TSNARE1: variants seen among roughly 807,000 people sequenced by gnomAD.
TSNARE1 encodes the protein t-SNARE domain containing 1, also known as t-SNARE domain-containing protein 1.
In TSNARE1, 49 loss-of-function variants were observed where a neutral mutation model predicts 62.0. The observed-to-expected ratio is 0.79, with a 90% CI of 0.63 to 1.00. TSNARE1 has a LOEUF of 1.00. Among genes scored for constraint, TSNARE1 ranks in the 50% least tolerant of loss-of-function variants. The pLI is 0.00. For missense variants in TSNARE1, 755 were observed against 700.1 expected, an observed-to-expected ratio of 1.08 and a Z score of -0.88; for synonymous variants, 328 against 294.4, an observed-to-expected ratio of 1.11 and a Z score of -1.17.
At chr8:142,356,700 G>T (rs574269780) in intron 1 of TSNARE1, among the ~76,000 whole-genome samples, 1 of 152,130 alleles carries the variant, frequency 6.6e-6, no homozygotes, top group African/African-American at 2.4e-5. Flanking sequence ...TTTACTACAC[G>T]CGCAGATTCA....
At chr8:142,368,454 G>A (rs762282866) in intron 1 of TSNARE1, among the ~76,000 whole-genome samples, 3 of 144,694 alleles carry the variant, frequency 2.1e-5, no homozygotes, top group African/African-American at 7.8e-5. Flanking sequence ...CTAACAATAC[G>A]AAAAGGCCTG....
In TSNARE1 at chr8:142,316,669, C is replaced by T. The variant is rs1048352853; in HGVS notation, c.985-1577G>A. ...AGGCACCCCAAAACCAAGCCCTGCTCCCAACCCTGACAACTGCTCATCGAC... is the reference window on the plus strand; with the variant it reads ...AGGCACCCCAAAACCAAGCCCTGCTTCCAACCCTGACAACTGCTCATCGAC... On this transcript the variant is annotated intron_variant, in intron 7 of 13. Coordinates refer to ENST00000524325, the MANE Select transcript of TSNARE1 (RefSeq NM_145003.5). Among the ~76,000 whole-genome samples the T allele has an allele frequency of 3.3e-5, 5 of 151,778 alleles. 1 individual carries two copies. The highest frequency in any genetic ancestry group is 6.7e-5 in the Admixed American group (1 of 15,004).
intron 9 of TSNARE1, among the ~76,000 whole-genome samples, chr8:142,310,263 A>G (rs899767652): frequency 6.6e-6 from 1 of 152,146 alleles, no homozygotes; most frequent in Admixed American, 6.5e-5. Flanking sequence ...TCTGCCCTCG[A>G]TGTGTATGTT....
intron 12 of TSNARE1, among the ~76,000 whole-genome samples, chr8:142,239,702 T>C (rs1434289762): frequency 1.3e-5 from 2 of 152,218 alleles, no homozygotes; most frequent in Non-Finnish European, 1.5e-5. Context: ...GAGTGGGGCC[T>C]GTGATTAGCG....
rs192296747 is a variant in TSNARE1 at position 142,305,936 on chromosome 8, A to G, written c.1132-5292T>C. On this transcript the variant is annotated intron_variant, in intron 9 of 13. Coordinates refer to ENST00000524325, the MANE Select transcript of TSNARE1 (RefSeq NM_145003.5). ...CCGTGGGAAGAGACTCCGCTCTGCC[A>G]GGCATTCAGAAAGCAGGGACCCGAG... Among the ~76,000 whole-genome samples the G allele has an allele frequency of 1.2e-4, 18 of 152,338 alleles. No individual in the cohort carries two copies. The East Asian group carries it at 3.3e-3, about 28-fold the overall frequency.
chr8:142,386,979 A>C (rs1837156441), intron 1 of TSNARE1, among the ~76,000 whole-genome samples: 2 of 152,202 alleles, frequency 1.3e-5, no homozygotes, highest in East Asian at 3.8e-4. Flanking sequence ...ATACACATCA[A>C]ACTTCCGTAA....
intron 12 of TSNARE1, chr8:142,272,598 A>T: frequency 1.9e-6 from 1 of 525,022 alleles, no homozygotes; most frequent in Non-Finnish European, 2.2e-6. Context: ...CCTTCCATCC[A>T]CCCACCCATC....
chr8:142,331,487 G>A (rs1400254423), intron 5 of TSNARE1, among the ~76,000 whole-genome samples: 2 of 152,234 alleles, frequency 1.3e-5, no homozygotes, highest in African/African-American at 4.8e-5. Flanking sequence ...GCAGGCAGGA[G>A]CAGCCAGCGG....
chr8:142,266,509 T>G (rs6996357), intron 12 of TSNARE1, among the ~76,000 whole-genome samples: 25,096 of 152,264 alleles, frequency 0.16, 2,465 homozygotes, highest in Middle Eastern at 0.26. Flanking sequence ...GAATTCTAAG[T>G]TGACAGCGAC....
chr8:142,399,374 T>C (rs1199089112), intron 1 of TSNARE1, among the ~76,000 whole-genome samples: 1 of 152,172 alleles, frequency 6.6e-6, no homozygotes, highest in East Asian at 1.9e-4. Flanking sequence ...GGATGGACGT[T>C]CAGAGACGCA....
intron 1 of TSNARE1, among the ~76,000 whole-genome samples, chr8:142,388,550 CTTTTTTT>C (rs71313221): frequency 5.9e-5 from 4 of 67,410 alleles, no homozygotes; most frequent in Admixed American, 2.4e-4. Flanking sequence ...AAAACAAAAT[CTTTTTTT>C]TTTTTTTTTT....
intron 12 of TSNARE1, among the ~76,000 whole-genome samples, chr8:142,265,634 T>C (rs1318496364): frequency 1.3e-5 from 2 of 152,240 alleles, no homozygotes; most frequent in Non-Finnish European, 1.5e-5. Flanking sequence ...TTGTGTTGTA[T>C]AGTAAGTGTT....
chr8:142,398,105 GAGTAGCT>G (rs1838024962), intron 1 of TSNARE1, among the ~76,000 whole-genome samples: 1 of 151,998 alleles, frequency 6.6e-6, no homozygotes, highest in South Asian at 2.1e-4. Flanking sequence ...CCGCTGCCTG[GAGTAGCT>G]GCCTCTCCTG....
At chr8:142,234,238 C>T (rs902435162) in intron 12 of TSNARE1, among the ~76,000 whole-genome samples, 9 of 151,768 alleles carry the variant, frequency 5.9e-5, no homozygotes, top group Admixed American at 2.0e-4. Context: ...TCCAGGATGG[C>T]GCCATGACCC....
intron 9 of TSNARE1, among the ~76,000 whole-genome samples, chr8:142,303,679 C>T (rs550619675): frequency 2.0e-5 from 3 of 152,330 alleles, no homozygotes; most frequent in Non-Finnish European, 2.9e-5. Flanking sequence ...CACTTCATTG[C>T]GTTTCTGGCA....
intron 6 of TSNARE1, among the ~76,000 whole-genome samples, chr8:142,327,087 G>A (rs766261368): frequency 1.4e-4 from 21 of 152,178 alleles, no homozygotes; most frequent in African/African-American, 2.4e-4. Context: ...AAGAGCCACC[G>A]TATAACCCAG....
rs77817150 is a variant in TSNARE1 at position 142,331,854 on chromosome 8, A to G, written c.746-23T>C. ...TGGCTGGGAGAAGACAGGGAGGAGG[A>G]AAGAACACAGGCTAAGGGTGAAGCC... On this transcript the variant is annotated intron_variant, in intron 4 of 13. Coordinates refer to ENST00000524325, the MANE Select transcript of TSNARE1 (RefSeq NM_145003.5). 1.3e-3 allele frequency: 2,005 copies of G among 1,596,812 alleles called. 42 individuals carry two copies. In the East Asian group the frequency reaches 0.041, roughly 32 times the overall value.
rs373870171 is a variant in TSNARE1 at position 142,319,096 on chromosome 8, C to T, written c.894-462G>A. On this transcript the variant is annotated intron_variant, in intron 6 of 13. Transcript: ENST00000524325. This position sits in a 1 kb window ranked among gnomAD's most constrained non-coding sequence, Gnocchi z 4.9. The stretch of plus-strand genomic sequence containing the variant: ...GTAAGCTCTGGCTGGGGTGGGTGGC[C>T]CAGCCAGAACAGTGGCAGCCGGGCC... Among the ~76,000 whole-genome samples the T allele has an allele frequency of 1.0e-3, 157 of 151,958 alleles. 2 individuals carry two copies. Among genetic ancestry groups the T allele is most frequent in the African/African-American group, 3.6e-3 (148 of 41,432 alleles).
rs530336630 is a variant in TSNARE1 at position 142,391,177 on chromosome 8, C to T, written c.-40+11927G>A. ...ACTGCTGGGGACTCTGTAACAGACG[C>T]TGTACACTGCTGGGGACTCTGTAAC... On this transcript the variant is annotated intron_variant, in intron 1 of 13. Transcript: ENST00000524325. 2.1e-5 allele frequency among the ~76,000 whole-genome samples: 3 copies of T among 146,256 alleles called. No homozygotes were observed. The South Asian group carries it at 6.8e-4, about 33-fold the overall frequency.
Sources: allele counts gnomAD v4.1 joint callset (sites outside exome capture counted in the v4.1 genomes callset), GRCh38; gene constraint gnomAD v4.1.1; non-coding constraint Gnocchi (gnomAD v3.1); transcripts MANE v1.5; gene names NCBI Gene and HGNC (gene_info 2026-07-23, HGNC 2026-07-21).